ARGLU1: variants seen among roughly 807,000 people sequenced by gnomAD.
The protein encoded by ARGLU1 is arginine and glutamate rich 1.
ARGLU1 carries 9 observed loss-of-function variants against 37.6 expected under a neutral mutation model. The observed-to-expected ratio is 0.24, with a 90% CI of 0.14 to 0.42. ARGLU1 has a LOEUF of 0.42. Among genes scored for constraint, ARGLU1 ranks in the 10% least tolerant of loss-of-function variants. ARGLU1 has a pLI of 1.00. For missense variants in ARGLU1, 211 were observed against 359.2 expected (o/e 0.59, Z 3.34); for synonymous variants, 166 against 138.5 (o/e 1.20, Z -1.39).
intron 3 of ARGLU1, among the ~76,000 whole-genome samples, chr13:106,556,086 T>TA (rs893804469): frequency 8.7e-5 from 13 of 149,226 alleles, no homozygotes; most frequent in East Asian, 2.0e-4. Context: ...CCAGAATAAC[T>TA]AAAAAAAAAA....
chr13:106,558,541 C>T, intron 2 of ARGLU1: 1 of 985,452 alleles, frequency 1.0e-6, no homozygotes. Context: ...TGGTGACAGA[C>T]ACTCAGGGCT....
rs1485800747 is a variant in ARGLU1, at chr13:106,567,974, C to T, written c.-55G>A. 1.3e-6 allele frequency: 2 copies of T among 1,532,222 alleles called. No homozygotes were observed. The highest frequency in any genetic ancestry group is 1.7e-6 in the Non-Finnish European group (2 of 1,152,636). 94.9% of individuals were successfully genotyped at this position (1,532,222 alleles called of 1,614,324 possible). On this transcript the variant is annotated 5_prime_UTR_variant, in exon 1 of 4. Transcript: ENST00000400198. This position sits in a 1 kb window ranked among gnomAD's most constrained non-coding sequence, Gnocchi z 4.3. ...TCAGGCCCCTCACGCGGCCAGTTCC[C>T]CTCGCCTCCGCCTTCGGACGCGGGC...
At chr13:106,566,873 G>A (rs188933298) in intron 1 of ARGLU1, among the ~76,000 whole-genome samples, 17 of 151,908 alleles carry the variant, frequency 1.1e-4, no homozygotes, top group Non-Finnish European at 2.4e-4. Context: ...GCTTTGGGAT[G>A]GTGATTACAC....
Position 106,557,863 on chromosome 13 carries a change from G to C in ARGLU1, c.574-732C>G. ...ACGGGCTTCTTCCATGGGGAAAATG[G>C]ACTTAACATTCAGATGTTGACAATT... is the stretch of plus-strand genomic sequence containing the variant. On this transcript the variant is annotated intron_variant, in intron 2 of 3. Transcript: ENST00000400198. This position sits in a 1 kb window ranked among gnomAD's most constrained non-coding sequence, Gnocchi z 5.0. The C allele has an allele frequency of 1.0e-6, 1 of 985,422 alleles. No individual in the cohort carries two copies. The highest frequency in any genetic ancestry group is 1.7e-5 in the African/African-American group (1 of 57,350). 61.0% of individuals were successfully genotyped at this position (985,422 alleles called of 1,614,324 possible).
At position 106,542,467 on chromosome 13, in the gene ARGLU1, C is replaced by T. The variant is rs1396575313; in HGVS notation, c.*1529G>A. 1 of 152,046 alleles carries T rather than the reference C, an allele frequency of 6.6e-6. No homozygotes were observed. The highest frequency in any genetic ancestry group is 1.5e-5 in the Non-Finnish European group (1 of 67,934). 9.4% of individuals were successfully genotyped at this position (152,046 alleles called of 1,614,324 possible). On this transcript the variant is annotated 3_prime_UTR_variant, in exon 4 of 4. Coordinates refer to ENST00000400198, the MANE Select transcript of ARGLU1 (RefSeq NM_018011.4). ...ATTTCATGCCTATTTAAAATTCTAC[C>T]TTTAAAGATCTTTAAACTGATTTTA... is the stretch of plus-strand genomic sequence containing the variant.
chr13:106,542,986 A>G lies in ARGLU1; in HGVS notation c.*1010T>C, dbSNP rs1880299991. 6.6e-6 allele frequency: 1 copy of G among 152,094 alleles called. No homozygotes were observed. The highest frequency in any genetic ancestry group is 6.5e-5 in the Admixed American group (1 of 15,276). 9.4% of individuals were successfully genotyped at this position (152,094 alleles called of 1,614,324 possible). A position where few individuals can be genotyped will look rare whatever the true frequency, so the allele number is the denominator to read the frequency against. On this transcript the variant is annotated 3_prime_UTR_variant, in exon 4 of 4. Coordinates refer to ENST00000400198, the MANE Select transcript of ARGLU1 (RefSeq NM_018011.4). Reference sequence around the variant, plus strand: ...CACTCTGAAAACGATCTCAGATTCCATAATTTAAAAGCATTTTTCTAGCCT... The same window carrying G: ...CACTCTGAAAACGATCTCAGATTCCGTAATTTAAAAGCATTTTTCTAGCCT...
chr13:106,544,289 A>G, intron 3 of ARGLU1, 129 bp from the exon 4 acceptor site: 3 of 679,904 alleles, frequency 4.4e-6, no homozygotes, highest in Non-Finnish European at 6.6e-6. Flanking sequence ...AGGGGGTAAA[A>G]ACAAGGACTT....
At chr13:106,545,528 C>T (rs1880366541) in intron 3 of ARGLU1, among the ~76,000 whole-genome samples, 1 of 152,090 alleles carries the variant, frequency 6.6e-6, no homozygotes, top group Non-Finnish European at 1.5e-5. Context: ...TTCTCTAATG[C>T]CACACACTAA....
At chr13:106,566,521 C>G (rs1303060909) in intron 1 of ARGLU1, among the ~76,000 whole-genome samples, 1 of 152,196 alleles carries the variant, frequency 6.6e-6, no homozygotes, top group African/African-American at 2.4e-5. Flanking sequence ...TAGGACTGTT[C>G]AAATCTACTT....
At chr13:106,566,796 T>G (rs1355011037) in intron 1 of ARGLU1, among the ~76,000 whole-genome samples, 2 of 152,056 alleles carry the variant, frequency 1.3e-5, no homozygotes, top group African/African-American at 2.4e-5. Context: ...AGAAGCACAG[T>G]GTAAGGGAAA....
At chr13:106,548,941 C>T (rs184128301) in intron 3 of ARGLU1, among the ~76,000 whole-genome samples, 12 of 152,100 alleles carry the variant, frequency 7.9e-5, no homozygotes, top group Non-Finnish European at 1.2e-4. Flanking sequence ...TTAGTAGAGA[C>T]GGAGTTTCAT....
chr13:106,552,849 A>C (rs1049394557), intron 3 of ARGLU1, among the ~76,000 whole-genome samples: 4 of 152,228 alleles, frequency 2.6e-5, no homozygotes, highest in African/African-American at 9.6e-5. Flanking sequence ...TTGTAAATAA[A>C]GTATGTTTGT....
intron 1 of ARGLU1, among the ~76,000 whole-genome samples, chr13:106,561,047 A>G (rs1880786569): frequency 6.6e-6 from 1 of 152,174 alleles, no homozygotes; most frequent in African/African-American, 2.4e-5. Context: ...TTTATCCTCT[A>G]CATTCTTCTG....
At chr13:106,563,058 A>C (rs1220231359) in intron 1 of ARGLU1, among the ~76,000 whole-genome samples, 1 of 151,514 alleles carries the variant, frequency 6.6e-6, no homozygotes, top group African/African-American at 2.4e-5. Flanking sequence ...CTAACTATTA[A>C]AAACAAAACA....
rs1250027569 is a variant in ARGLU1 at position 106,568,007 on chromosome 13, T to C, written c.-88A>G. 28 of 1,492,846 alleles carry C rather than the reference T, an allele frequency of 1.9e-5. No individual in the cohort carries two copies. Among genetic ancestry groups the C allele is most frequent in the East Asian group, 2.5e-5 (1 of 39,678 alleles). 92.5% of individuals were successfully genotyped at this position (1,492,846 alleles called of 1,614,324 possible). A position where few individuals can be genotyped will look rare whatever the true frequency, so the allele number is the denominator to read the frequency against. On this transcript the variant is annotated 5_prime_UTR_variant, in exon 1 of 4. Coordinates refer to ENST00000400198, the MANE Select transcript of ARGLU1 (RefSeq NM_018011.4). ...CCGCCTTCGGACGCGGGCTGGCGGTTCTACCGAGGCCGGAGGAAAGAAAGG... is the reference window on the plus strand; with the variant it reads ...CCGCCTTCGGACGCGGGCTGGCGGTCCTACCGAGGCCGGAGGAAAGAAAGG...
At chr13:106,550,871 T>C (rs572720109) in intron 3 of ARGLU1, among the ~76,000 whole-genome samples, 1 of 152,366 alleles carries the variant, frequency 6.6e-6, no homozygotes. Context: ...GCATGGATTC[T>C]GTCAGGAGTC....
chr13:106,561,173 G>A (rs1265898847), intron 1 of ARGLU1, among the ~76,000 whole-genome samples: 1 of 152,172 alleles, frequency 6.6e-6, no homozygotes, highest in Non-Finnish European at 1.5e-5. Context: ...GCAGCTCAGT[G>A]AGAGAGCAGG....
chr13:106,565,726 T>C (rs1880944668), intron 1 of ARGLU1, among the ~76,000 whole-genome samples: 1 of 152,216 alleles, frequency 6.6e-6, no homozygotes. Flanking sequence ...AAATGCCTAT[T>C]GTACGGCACC....
chr13:106,564,855 A>G (rs1184928171), intron 1 of ARGLU1, among the ~76,000 whole-genome samples: 1 of 152,182 alleles, frequency 6.6e-6, no homozygotes, highest in East Asian at 1.9e-4. Context: ...CCACTATTTA[A>G]AAAGTTTCTG....
Sources: gnomAD v4.1 joint callset for allele counts (sites outside exome capture counted in the v4.1 genomes callset) on GRCh38, gnomAD v4.1.1 for gene constraint, Gnocchi (gnomAD v3.1) non-coding constraint, MANE v1.5 for transcripts, NCBI Gene and HGNC (gene_info 2026-07-23, HGNC 2026-07-21) for gene names.